Variants in SLC35F4 observed in about 807,000 individuals in gnomAD.
The protein encoded by SLC35F4 is solute carrier family 35 member F4, also known as chromosome 14 open reading frame 36.
A neutral mutation model predicts 44.2 loss-of-function variants in SLC35F4; 24 were observed. The ratio of observed to expected loss-of-function variants is 0.54; its 90% confidence interval spans 0.39 to 0.76. The LOEUF is 0.76. Among genes scored for constraint, SLC35F4 ranks in the 30% least tolerant of loss-of-function variants. The pLI, the probability that SLC35F4 is intolerant of heterozygous loss-of-function variation, is 0.00. For missense variants in SLC35F4, 562 were observed against 586.1 expected, an observed-to-expected ratio of 0.96 and a Z score of 0.42; for synonymous variants, 238 against 223.6, an observed-to-expected ratio of 1.06 and a Z score of -0.57.
intron 1 of SLC35F4, among the ~76,000 whole-genome samples, chr14:57,925,270 T>G (rs1300206041): frequency 6.6e-6 from 1 of 152,186 alleles, no homozygotes; most frequent in African/African-American, 2.4e-5. Flanking sequence ...ATTTTTATAA[T>G]GTCTGCCTTG....
intron 1 of SLC35F4, among the ~76,000 whole-genome samples, chr14:57,619,951 G>A (rs1364180147): frequency 2.0e-5 from 3 of 151,746 alleles, no homozygotes; most frequent in Non-Finnish European, 4.4e-5. Context: ...AGAGACTGAA[G>A]ATCAACTCAA....
At chr14:57,740,896 C>T (rs1055068660) in intron 1 of SLC35F4, among the ~76,000 whole-genome samples, 1 of 152,306 alleles carries the variant, frequency 6.6e-6, no homozygotes, top group East Asian at 1.9e-4. Flanking sequence ...CGACTGACAC[C>T]TCACACGGCC....
intron 1 of SLC35F4, among the ~76,000 whole-genome samples, chr14:57,932,391 T>C (rs1889714662): frequency 6.6e-6 from 1 of 152,180 alleles, no homozygotes; most frequent in Non-Finnish European, 1.5e-5. Flanking sequence ...GCAACCTGAT[T>C]TTTTCACAGT....
chr14:57,635,492 G>T (rs761924928), intron 1 of SLC35F4, among the ~76,000 whole-genome samples: 11 of 151,996 alleles, frequency 7.2e-5, no homozygotes, highest in African/African-American at 1.2e-4. Context: ...ATAACACTGG[G>T]CTAGAGAAAT....
intron 1 of SLC35F4, among the ~76,000 whole-genome samples, chr14:57,632,772 T>A (rs972735624): frequency 6.6e-6 from 1 of 152,086 alleles, no homozygotes; most frequent in Non-Finnish European, 1.5e-5. Flanking sequence ...CTTGGCTCAC[T>A]GCAACGTCCA....
chr14:57,853,085 G>C (rs1886731371), intron 1 of SLC35F4, among the ~76,000 whole-genome samples: 1 of 152,204 alleles, frequency 6.6e-6, no homozygotes, highest in South Asian at 2.1e-4. Context: ...GGAAAGACCT[G>C]TTGTATTGCC....
intron 1 of SLC35F4, among the ~76,000 whole-genome samples, chr14:57,959,220 C>G (rs1890298390): frequency 1.3e-5 from 2 of 152,160 alleles, no homozygotes; most frequent in South Asian, 4.1e-4. Flanking sequence ...TATAAAAAAG[C>G]AGGTTTTTTA....
Position 57,897,010 on chromosome 14 carries a change from C to A in SLC35F4, n.282+84903G>T, listed in dbSNP as rs185644415. ...CTGGAAGATAAACTATACTAAGGTACTTATGGAAAATTCATTTCATCCCCT... is the reference window on the plus strand; with the variant it reads ...CTGGAAGATAAACTATACTAAGGTAATTATGGAAAATTCATTTCATCCCCT... On this transcript the variant is annotated intron_variant and non_coding_transcript_variant, in intron 1 of 1. Coordinates refer to the SLC35F4 transcript ENST00000556568. Among the ~76,000 whole-genome samples, 662 of 151,924 alleles carry A rather than the reference C, an allele frequency of 4.4e-3. 2 individuals are homozygous for A. Among genetic ancestry groups the A allele is most frequent in the Non-Finnish European group, 7.1e-3 (481 of 67,806 alleles).
chr14:57,923,822 G>C (rs984872751), intron 1 of SLC35F4, among the ~76,000 whole-genome samples: 18 of 152,316 alleles, frequency 1.2e-4, no homozygotes, highest in African/African-American at 4.3e-4. Context: ...ATCTGTCTTA[G>C]TCCATTTTGT....
chr14:57,981,297 T>C (rs1276758085), intron 1 of SLC35F4, among the ~76,000 whole-genome samples: 2 of 152,184 alleles, frequency 1.3e-5, no homozygotes, highest in Non-Finnish European at 2.9e-5. Context: ...CTGATAACAT[T>C]GCTCTGATTC....
intron 1 of SLC35F4, among the ~76,000 whole-genome samples, chr14:57,955,691 T>C (rs755887746): frequency 6.6e-6 from 1 of 151,988 alleles, no homozygotes; most frequent in Non-Finnish European, 1.5e-5. Context: ...CCATTCACAA[T>C]TGCTACAAAG....
At chr14:57,735,925 T>C (rs1199946303) in intron 1 of SLC35F4, among the ~76,000 whole-genome samples, 2 of 152,096 alleles carry the variant, frequency 1.3e-5, no homozygotes, top group African/African-American at 4.8e-5. Context: ...TCTCACTGTA[T>C]TGCCCAGGTC....
At chr14:57,823,247 C>A (rs1883365276) in intron 1 of SLC35F4, among the ~76,000 whole-genome samples, 1 of 152,134 alleles carries the variant, frequency 6.6e-6, no homozygotes, top group Non-Finnish European at 1.5e-5. Context: ...CCTTTTCTCT[C>A]CCCTTCTGCC....
intron 1 of SLC35F4, among the ~76,000 whole-genome samples, chr14:57,707,398 A>AT: frequency 6.6e-6 from 1 of 152,256 alleles, no homozygotes; most frequent in East Asian, 1.9e-4. Context: ...AGTTCTCATG[A>AT]GATCTGATCG....
intron 1 of SLC35F4, among the ~76,000 whole-genome samples, chr14:57,961,612 CTT>C (rs1566516762): frequency 6.6e-6 from 1 of 152,178 alleles, no homozygotes; most frequent in African/African-American, 2.4e-5. Flanking sequence ...GTGCAAGACT[CTT>C]AAGATGCCTA....
At chr14:57,944,628 A>G (rs562104158) in intron 1 of SLC35F4, among the ~76,000 whole-genome samples, 3 of 151,926 alleles carry the variant, frequency 2.0e-5, no homozygotes, top group Admixed American at 2.0e-4. Context: ...AAAAGAAAAT[A>G]AAGAAAAAAG....
At chr14:57,775,642 T>C (rs879641579) in intron 1 of SLC35F4, among the ~76,000 whole-genome samples, 1 of 152,056 alleles carries the variant, frequency 6.6e-6, no homozygotes, top group Non-Finnish European at 1.5e-5. Flanking sequence ...AGAAATAAAA[T>C]CCATCCAAAG....
chr14:57,584,038 TTAAGCATATTTTATAG>T (rs2308177), intron 3 of SLC35F4, among the ~76,000 whole-genome samples: 94,112 of 151,722 alleles, frequency 0.62, 29,706 homozygotes, highest in East Asian at 0.87. Flanking sequence ...AAATAGCATC[TTAAGCATATTTTATAG>T]TAAGCATATT....
At chr14:57,860,746 T>C (rs1458907015) in intron 1 of SLC35F4, among the ~76,000 whole-genome samples, 3 of 152,206 alleles carry the variant, frequency 2.0e-5, no homozygotes. Context: ...TCTTATAGCA[T>C]ACAAACCACC....
Sources: gnomAD v4.1 joint callset for allele counts (sites outside exome capture counted in the v4.1 genomes callset) on GRCh38, gnomAD v4.1.1 for gene constraint, MANE v1.5 for transcripts, NCBI Gene and HGNC (gene_info 2026-07-23, HGNC 2026-07-21) for gene names.